The following EFR3A variants were observed in gnomAD, a reference collection of about 807,000 sequenced individuals.
The protein encoded by EFR3A is EFR3 homolog A, also known as protein EFR3 homolog A.
A neutral mutation model predicts 104.4 loss-of-function variants in EFR3A; 76 were observed. The observed-to-expected ratio is 0.73, with a 90% CI of 0.60 to 0.88. The LOEUF (loss-of-function observed/expected upper bound fraction) is 0.88, where lower values mean the gene tolerates loss of function less well. Ranked by LOEUF, EFR3A falls within the 40% of genes least tolerant of loss-of-function variation. The probability of loss-of-function intolerance (pLI) is 0.00; values close to 1 mark genes in which losing one functional copy is unlikely to be tolerated. For missense variants in EFR3A, 985 were observed against 1,012.5 expected, an observed-to-expected ratio of 0.97 and a Z score of 0.37; for synonymous variants, 330 against 330.0, an observed-to-expected ratio of 1.00 and a Z score of 0.00.
rs1329023561 is a variant in EFR3A, at chr8:131,940,575, A to G, written c.87A>G (p.Lys29=). The G allele has an allele frequency of 1.2e-6, 2 of 1,605,314 alleles. No individual in the cohort carries two copies. Among genetic ancestry groups the G allele is most frequent in the Admixed American group, 3.4e-5 (2 of 59,162 alleles). Residue 29 remains lysine (K), a splice_region_variant and synonymous_variant, in exon 2 of 23, where the codon AAA becomes AAG. Coordinates refer to ENST00000254624, the MANE Select transcript of EFR3A (RefSeq NM_015137.6). ...ACAACATATTCCCTGAAGATCCAAA[A>G]GTAATTTGATCTACATCTACTGATC... ...LVDNIFPEDP[K]DGLVKTDMEK...
At chr8:131,950,146 G>A in intron 5 of EFR3A, 56 bp downstream of exon 5, 4 of 1,480,212 alleles carry the variant, frequency 2.7e-6, no homozygotes, top group South Asian at 2.5e-5. Flanking sequence ...TTAATATTGT[G>A]TTCATATGTT....
At chr8:131,910,044 T>A (rs2130376558) in intron 1 of EFR3A, among the ~76,000 whole-genome samples, 1 of 152,302 alleles carries the variant, frequency 6.6e-6, no homozygotes, top group African/African-American at 2.4e-5. Flanking sequence ...GGATTGACTG[T>A]CAGTTTCCTT....
chr8:131,926,503 A>G (rs555621766), intron 1 of EFR3A, among the ~76,000 whole-genome samples: 1 of 152,160 alleles, frequency 6.6e-6, no homozygotes, highest in Non-Finnish European at 1.5e-5. Context: ...CTATAATGGC[A>G]TATGGGGGTG....
rs567726786 is a variant in EFR3A, at chr8:131,946,297, G to C, written c.216-186G>C. ...TATTTTCTGTATACTTCGATAAAAG[G>C]ATTATTTTATAACCTACAAGATATT... On this transcript the variant is annotated intron_variant, in intron 3 of 22. Coordinates refer to ENST00000254624, the MANE Select transcript of EFR3A (RefSeq NM_015137.6). 4.6e-5 allele frequency among the ~76,000 whole-genome samples: 7 copies of C among 152,126 alleles called. No individual in the cohort carries two copies. The South Asian group carries it at 1.2e-3, about 27-fold the overall frequency.
intron 1 of EFR3A, among the ~76,000 whole-genome samples, chr8:131,917,106 A>G (rs1197504486): frequency 6.6e-6 from 1 of 152,254 alleles, no homozygotes; most frequent in Non-Finnish European, 1.5e-5. Flanking sequence ...ACCCATTGCC[A>G]TCTTGAGAAT....
intron 1 of EFR3A, among the ~76,000 whole-genome samples, chr8:131,906,427 A>G (rs1816269306): frequency 6.6e-6 from 1 of 152,212 alleles, no homozygotes; most frequent in South Asian, 2.1e-4. Context: ...ACGAGTTTTA[A>G]TTAAAATCAA....
At chr8:132,004,964 TTC>T (rs1821960996) in intron 22 of EFR3A, among the ~76,000 whole-genome samples, 1 of 152,230 alleles carries the variant, frequency 6.6e-6, no homozygotes, top group Non-Finnish European at 1.5e-5. Flanking sequence ...TTATAACTAA[TTC>T]TGTTTCATTG....
At chr8:131,935,957 C>T (rs1297608743) in intron 1 of EFR3A, among the ~76,000 whole-genome samples, 1 of 151,832 alleles carries the variant, frequency 6.6e-6, no homozygotes, top group Non-Finnish European at 1.5e-5. Context: ...AGTGGTCAAC[C>T]AACCACTTAC....
At chr8:131,949,806 C>A (rs1818609698) in intron 4 of EFR3A, among the ~76,000 whole-genome samples, 163 bp from the exon 5 acceptor site, 1 of 152,094 alleles carries the variant, frequency 6.6e-6, no homozygotes, top group Non-Finnish European at 1.5e-5. Flanking sequence ...GAGCAAGACC[C>A]TATCTCAAGA....
chr8:131,984,426 C>T (rs1399132417), intron 15 of EFR3A, 126 bp downstream of exon 15: 4 of 883,244 alleles, frequency 4.5e-6, no homozygotes, highest in Non-Finnish European at 6.7e-6. Flanking sequence ...ATCTAAAATA[C>T]TCAAGACTAT....
intron 1 of EFR3A, among the ~76,000 whole-genome samples, chr8:131,906,979 T>C (rs985381926): frequency 1.4e-5 from 2 of 147,074 alleles, no homozygotes; most frequent in Non-Finnish European, 3.0e-5. Flanking sequence ...TTCATCATTT[T>C]ATGTTGTGTA....
At position 132,010,407 on chromosome 8, in the gene EFR3A, G is replaced by GATATATATATATATAT. The variant is rs66644698; in HGVS notation, c.2361-355_2361-340dup. Among the ~76,000 whole-genome samples the GATATATATATATATAT allele has an allele frequency of 7.3e-4, 60 of 81,840 alleles. 1 individual carries two copies. The highest frequency in any genetic ancestry group is 2.0e-3 in the African/African-American group (41 of 20,354). The allele number at this position is 81,840 out of a possible 152,430, so 53.7% of individuals were successfully genotyped here. A position where few individuals can be genotyped will look rare whatever the true frequency, so the allele number is the denominator to read the frequency against. On this transcript the variant is annotated intron_variant, in intron 22 of 22. Transcript: ENST00000254624. The stretch of plus-strand genomic sequence containing the variant: ...GTTCTCTGGATTAAATCAAGTATGA[G>GATATATATATATATAT]ATATATATATATATATATATATATA...
At position 131,979,404 on chromosome 8, in the gene EFR3A, A is replaced by T; in HGVS notation, c.1558A>T (p.Thr520Ser). ...AAGAGAAAAAATTTGCAGACAAGAC[A>T]CAAGTTTCATGAAAAAGGTAAGACA... ...IKREKICRQD[T>S]SFMKKNGQQL... The change falls in exon 14 of 23, where the codon ACA (threonine) becomes TCA (serine). Residue 520 changes from threonine to serine, a missense_variant. Transcript: ENST00000254624. 1 of 1,562,476 alleles carries T rather than the reference A, an allele frequency of 6.4e-7. No homozygotes were observed.
chr8:131,940,848 G>A (rs936109592), intron 2 of EFR3A, among the ~76,000 whole-genome samples: 3 of 151,924 alleles, frequency 2.0e-5, no homozygotes, highest in African/African-American at 7.2e-5. Flanking sequence ...TAACACTGTC[G>A]CATTAATTTA....
chr8:132,002,807 C>T (rs889387536), intron 21 of EFR3A, 101 bp downstream of exon 21: 27 of 894,266 alleles, frequency 3.0e-5, no homozygotes, highest in African/African-American at 1.9e-4. Flanking sequence ...GTCAAATCAA[C>T]GGAACACAGG....
At chr8:131,975,689 T>C (rs2130722765) in intron 10 of EFR3A, among the ~76,000 whole-genome samples, 1 of 152,284 alleles carries the variant, frequency 6.6e-6, no homozygotes. Context: ...GTGTTGGGAT[T>C]ATGGGCATGA....
chr8:131,905,827 T>A (rs925968083), intron 1 of EFR3A, among the ~76,000 whole-genome samples: 1 of 152,242 alleles, frequency 6.6e-6, no homozygotes, highest in Non-Finnish European at 1.5e-5. Flanking sequence ...AGGCTTCAAG[T>A]AGAATTTATT....
At chr8:131,904,630 A>G (rs1035396981) in intron 1 of EFR3A, among the ~76,000 whole-genome samples, 24 of 152,244 alleles carry the variant, frequency 1.6e-4, no homozygotes, top group Non-Finnish European at 1.5e-4. Context: ...TCCCACGGCC[A>G]CACGGCTTCG....
At chr8:131,995,840 A>G (rs1179521563) in intron 18 of EFR3A, among the ~76,000 whole-genome samples, 1 of 152,164 alleles carries the variant, frequency 6.6e-6, no homozygotes, top group East Asian at 1.9e-4. Flanking sequence ...GCAAAATAAC[A>G]ACAGCTGATG....
Sources: gnomAD v4.1 joint callset for allele counts (sites outside exome capture counted in the v4.1 genomes callset) on GRCh38, gnomAD v4.1.1 for gene constraint, MANE v1.5 for transcripts, NCBI Gene and HGNC (gene_info 2026-07-23, HGNC 2026-07-21) for gene names.